Variants in GPC3 observed in about 807,000 individuals in gnomAD.
The protein encoded by GPC3 is glypican-3.
In GPC3, 3 loss-of-function variants were observed where a neutral mutation model predicts 34.4. That is an observed-to-expected ratio of 0.09 (90% CI 0.04 to 0.23). The LOEUF (loss-of-function observed/expected upper bound fraction) is 0.23. Among genes scored for constraint, GPC3 ranks in the 10% least tolerant of loss-of-function variants. The probability of loss-of-function intolerance (pLI) is 1.00; values close to 1 mark genes in which losing one functional copy is unlikely to be tolerated. For missense variants in GPC3, 351 were observed against 445.6 expected (o/e 0.79, Z 1.91); for synonymous variants, 177 against 174.0 (o/e 1.02, Z -0.13).
At chrX:133,915,805 C>T (rs1489085030) in intron 2 of GPC3, among the ~76,000 whole-genome samples, 2 of 111,991 alleles carry the variant, frequency 1.8e-5, no homozygotes, top group Admixed American at 1.9e-4. Context: ...GACATTGTGA[C>T]ATCAGACAGA....
chrX:133,952,581 G>A (rs1212359498), intron 2 of GPC3, among the ~76,000 whole-genome samples: 1 of 112,163 alleles, frequency 8.9e-6, no homozygotes, highest in Non-Finnish European at 1.9e-5. Context: ...CACAAAGAGA[G>A]GAGAGGTCAC....
intron 6 of GPC3, among the ~76,000 whole-genome samples, chrX:133,614,052 G>C (rs2070136596): frequency 1.8e-5 from 2 of 111,035 alleles, no homozygotes; most frequent in South Asian, 7.5e-4. Context: ...CATCAATTGA[G>C]ACAATTCGGT....
chrX:133,681,787 C>T (rs2070946709), intron 5 of GPC3, among the ~76,000 whole-genome samples: 1 of 112,195 alleles, frequency 8.9e-6, no homozygotes, highest in Non-Finnish European at 1.9e-5. Flanking sequence ...CACTGATGCT[C>T]AGTGATTGAC....
chrX:133,722,239 A>T (rs768564346), intron 3 of GPC3, among the ~76,000 whole-genome samples: 1 of 111,824 alleles, frequency 8.9e-6, no homozygotes, highest in African/African-American at 3.2e-5. Flanking sequence ...ATATACAATT[A>T]AGACTTGAGT....
At chrX:133,633,856 T>A (rs2070390877) in intron 6 of GPC3, among the ~76,000 whole-genome samples, 1 of 111,929 alleles carries the variant, frequency 8.9e-6, no homozygotes, top group African/African-American at 3.2e-5. Flanking sequence ...GTCAGCCCTT[T>A]ACTTGCTCAA....
chrX:133,572,026 T>C (rs1270767092), intron 7 of GPC3, among the ~76,000 whole-genome samples: 1 of 111,653 alleles, frequency 9.0e-6, no homozygotes, highest in Non-Finnish European at 1.9e-5. Context: ...TTAACCGGTT[T>C]ATAGCAGAAT....
intron 1 of GPC3, among the ~76,000 whole-genome samples, chrX:133,963,981 G>A (rs1454426625): frequency 9.0e-6 from 1 of 111,074 alleles, no homozygotes; most frequent in African/African-American, 3.3e-5. Context: ...GTAGGAGGGA[G>A]GCTGAATCTG....
At chrX:133,540,918 GT>G (rs1328144969) in intron 7 of GPC3, among the ~76,000 whole-genome samples, 12 of 54,076 alleles carry the variant, frequency 2.2e-4, no homozygotes, top group Admixed American at 3.2e-4. Context: ...TTGTTGTGGT[GT>G]GTGTGTGTGT....
chrX:133,912,514 T>TG, intron 2 of GPC3, among the ~76,000 whole-genome samples: 1 of 108,712 alleles, frequency 9.2e-6, no homozygotes, highest in African/African-American at 3.3e-5. Flanking sequence ...GAATTGGGTT[T>TG]TTTTTTTTTT....
At chrX:133,759,541 T>C (rs2071765409) in intron 2 of GPC3, among the ~76,000 whole-genome samples, 1 of 112,387 alleles carries the variant, frequency 8.9e-6, no homozygotes, top group Admixed American at 9.4e-5. Flanking sequence ...CAAATAGTGC[T>C]GAAACAATTG....
At chrX:133,962,738 A>T (rs1171449675) in intron 1 of GPC3, among the ~76,000 whole-genome samples, 1 of 111,492 alleles carries the variant, frequency 9.0e-6, no homozygotes, top group African/African-American at 3.3e-5. Flanking sequence ...CTTTCAGAAG[A>T]TGTTTAATTT....
chrX:133,952,919 A>T, intron 2 of GPC3, 131 bp downstream of exon 2: 1 of 602,121 alleles, frequency 1.7e-6, no homozygotes, highest in Non-Finnish European at 2.8e-6. Flanking sequence ...AGAATTTCTC[A>T]CTGGGAGGTT....
chrX:133,958,606 C>T (rs192782667), intron 1 of GPC3, among the ~76,000 whole-genome samples: 116 of 103,014 alleles, frequency 1.1e-3, no homozygotes, highest in Non-Finnish European at 2.0e-3. Flanking sequence ...ACCCTGAAAA[C>T]GTTACATCTG....
intron 2 of GPC3, among the ~76,000 whole-genome samples, chrX:133,826,421 G>T (rs2075746859): frequency 9.0e-6 from 1 of 110,850 alleles, no homozygotes; most frequent in Non-Finnish European, 1.9e-5. Context: ...TCTCTAGAGG[G>T]GCTCAAGAGC....
At chrX:133,584,930 C>CAAAAAAAAAAAAAAA (rs68159308) in intron 7 of GPC3, among the ~76,000 whole-genome samples, 9 of 68,233 alleles carry the variant, frequency 1.3e-4, no homozygotes, top group Non-Finnish European at 1.9e-4. Flanking sequence ...TATAAAAAGC[C>CAAAAAAAAAAAAAAA]AAAAAAAAAA....
intron 4 of GPC3, 106 bp from the exon 5 acceptor site, chrX:133,692,600 G>C (rs1173580080): frequency 1.7e-5 from 12 of 688,046 alleles, no homozygotes; most frequent in Non-Finnish European, 2.7e-5. Flanking sequence ...AGGCTGATTA[G>C]AGCAATAAAT....
At chrX:133,964,177 A>C (rs763862111) in intron 1 of GPC3, among the ~76,000 whole-genome samples, 2 of 112,398 alleles carry the variant, frequency 1.8e-5, no homozygotes, top group South Asian at 7.5e-4. Flanking sequence ...TCTTCAGAGA[A>C]TATCTCATCT....
chrX:133,564,183 A>T (rs367893847), intron 7 of GPC3, among the ~76,000 whole-genome samples: 1 of 111,617 alleles, frequency 9.0e-6, no homozygotes, highest in Non-Finnish European at 1.9e-5. Context: ...AAGCATTGTT[A>T]TGCTTCTATC....
intron 2 of GPC3, among the ~76,000 whole-genome samples, chrX:133,901,650 A>G (rs955112924): frequency 1.8e-5 from 2 of 110,629 alleles, no homozygotes; most frequent in Non-Finnish European, 3.8e-5. Context: ...CATGTTGGCC[A>G]GGATGGTCTC....
Sources: allele counts gnomAD v4.1 joint callset (sites outside exome capture counted in the v4.1 genomes callset), GRCh38; gene constraint gnomAD v4.1.1; transcripts MANE v1.5; gene names NCBI Gene and HGNC (gene_info 2026-07-23, HGNC 2026-07-21).